The following MRPS27 variants were observed in gnomAD, a reference collection of about 807,000 sequenced individuals.
The protein encoded by MRPS27 is mitochondrial ribosomal protein S27, also known as small ribosomal subunit protein mS27.
A neutral mutation model predicts 48.9 loss-of-function variants in MRPS27; 43 were observed. The ratio of observed to expected loss-of-function variants is 0.88; its 90% CI spans 0.69 to 1.13. The LOEUF is 1.13. MRPS27 is among the 50% of genes most tolerant of loss of function. MRPS27 has a pLI of 0.00. For synonymous variants in MRPS27, 188 were observed against 171.9 expected (o/e 1.09, Z -0.73); for missense variants, 467 against 476.3 (o/e 0.98, Z 0.18).
intron 9 of MRPS27, 85 bp downstream of exon 9, chr5:72,225,972 T>C: frequency 6.7e-7 from 1 of 1,482,336 alleles, no homozygotes; most frequent in Non-Finnish European, 9.1e-7. Flanking sequence ...GTAGGGGTAG[T>C]GGAAAGACAA....
intron 4 of MRPS27, among the ~76,000 whole-genome samples, chr5:72,292,540 A>C (rs944599177): frequency 6.6e-6 from 1 of 152,158 alleles, no homozygotes; most frequent in African/African-American, 2.4e-5. Flanking sequence ...TGCTGGGATG[A>C]TAGGGTGATA....
intron 6 of MRPS27, among the ~76,000 whole-genome samples, chr5:72,233,592 G>C (rs538617128): frequency 6.6e-5 from 10 of 152,210 alleles, no homozygotes; most frequent in Admixed American, 4.6e-4. Context: ...CCACACGCAT[G>C]GATTTCTATG....
In MRPS27 at chr5:72,220,762, T is replaced by C; in HGVS notation, c.*147A>G. ...TTCTTGGCATCTCGATGGGCAGTCA[T>C]GGTGCCTTGCCATGTAGGGCACATA... On this transcript the variant is annotated 3_prime_UTR_variant, in exon 11 of 11. Coordinates refer to ENST00000261413, the MANE Select transcript of MRPS27 (RefSeq NM_015084.3). The C allele has an allele frequency of 5.0e-6, 6 of 1,198,338 alleles. No individual in the cohort carries two copies. The highest frequency in any genetic ancestry group is 7.0e-6 in the Non-Finnish European group (6 of 852,818). 74.2% of individuals were successfully genotyped at this position (1,198,338 alleles called of 1,614,324 possible).
chr5:72,255,860 A>G (rs1181336310), intron 4 of MRPS27, among the ~76,000 whole-genome samples: 1 of 152,152 alleles, frequency 6.6e-6, no homozygotes, highest in Non-Finnish European at 1.5e-5. Flanking sequence ...CTAGGGAGCA[A>G]AGTCTCTATC....
chr5:72,225,928 CT>C, intron 9 of MRPS27, 128 bp downstream of exon 9: 1 of 1,078,158 alleles, frequency 9.3e-7, no homozygotes, highest in East Asian at 2.7e-5. Context: ...ATTTTTTCGA[CT>C]TGATAAATAC....
intron 6 of MRPS27, 137 bp downstream of exon 6, chr5:72,233,982 T>TTTTG: frequency 1.1e-6 from 1 of 922,728 alleles, no homozygotes; most frequent in Non-Finnish European, 1.5e-6. Context: ...TAAAAGATAA[T>TTTTG]CATCAAAACT....
intron 4 of MRPS27, among the ~76,000 whole-genome samples, chr5:72,274,814 A>G (rs1483678103): frequency 6.6e-6 from 1 of 152,230 alleles, no homozygotes; most frequent in African/African-American, 2.4e-5. Context: ...AATGTCATTA[A>G]GTAATAGGAA....
At chr5:72,317,230 TCTTA>T (rs1474862353) in intron 1 of MRPS27, among the ~76,000 whole-genome samples, 1 of 152,182 alleles carries the variant, frequency 6.6e-6, no homozygotes, top group South Asian at 2.1e-4. Flanking sequence ...CAGTTCATTC[TCTTA>T]CTGTGAACAC....
In MRPS27 at chr5:72,274,739, G is replaced by A. The variant is rs558590347; in HGVS notation, c.281+20792C>T. Among the ~76,000 whole-genome samples, 3 of 152,248 alleles carry A rather than the reference G, an allele frequency of 2.0e-5. No homozygotes were observed. In the East Asian group the frequency reaches 5.8e-4, roughly 29 times the overall value. On this transcript the variant is annotated intron_variant, in intron 4 of 10. Coordinates refer to ENST00000261413, the MANE Select transcript of MRPS27 (RefSeq NM_015084.3). ...CAGCAGAGTAGGACTCTTTACATGA[G>A]CATCACCACAAACACACAAGTAATG...
At chr5:72,288,550 T>C (rs979448974) in intron 4 of MRPS27, among the ~76,000 whole-genome samples, 1 of 152,202 alleles carries the variant, frequency 6.6e-6, no homozygotes, top group East Asian at 1.9e-4. Context: ...AAAGCTCCCA[T>C]GATCTCTGGC....
intron 4 of MRPS27, among the ~76,000 whole-genome samples, chr5:72,264,931 G>C (rs1580081658): frequency 2.0e-5 from 3 of 152,344 alleles, no homozygotes; most frequent in South Asian, 2.1e-4. Context: ...AGTACGCTTA[G>C]AGAAGGAAGT....
At chr5:72,228,532 A>C in intron 7 of MRPS27, 164 bp from the exon 8 acceptor site, 1 of 466,004 alleles carries the variant, frequency 2.1e-6, no homozygotes, top group Non-Finnish European at 3.7e-6. Flanking sequence ...ATTAAAAGGT[A>C]CTTACGTCAA....
intron 2 of MRPS27, among the ~76,000 whole-genome samples, chr5:72,299,530 T>C (rs529535087): frequency 2.6e-5 from 4 of 152,262 alleles, no homozygotes; most frequent in East Asian, 1.9e-4. Flanking sequence ...GTTATAGGTG[T>C]ATATTAGCTA....
intron 2 of MRPS27, among the ~76,000 whole-genome samples, chr5:72,298,546 A>G (rs900755365): frequency 6.6e-6 from 1 of 152,020 alleles, no homozygotes. Flanking sequence ...CTCTACTAAA[A>G]ATACAAAAAA....
At chr5:72,270,950 GA>G (rs139345799) in intron 4 of MRPS27, among the ~76,000 whole-genome samples, 301 of 152,208 alleles carry the variant, frequency 2.0e-3, no homozygotes, top group African/African-American at 7.1e-3. Flanking sequence ...ATGTTTGATT[GA>G]AAACTCTTAG....
intron 4 of MRPS27, among the ~76,000 whole-genome samples, chr5:72,246,255 A>G (rs1748510699): frequency 6.6e-6 from 1 of 152,226 alleles, no homozygotes; most frequent in South Asian, 2.1e-4. Context: ...ATCCTGGCTA[A>G]AATAAAGTTG....
intron 2 of MRPS27, among the ~76,000 whole-genome samples, chr5:72,311,046 A>G (rs1750430668): frequency 6.6e-6 from 1 of 152,256 alleles, no homozygotes; most frequent in Non-Finnish European, 1.5e-5. Flanking sequence ...GGACAATGTC[A>G]TAAGAAACAA....
chr5:72,227,577 A>G lies in MRPS27; in HGVS notation c.694+689T>C, dbSNP rs904533340. 2.0e-5 allele frequency: 3 copies of G among 152,228 alleles called. No homozygotes were observed. In the East Asian group the frequency reaches 5.8e-4, roughly 29 times the overall value. 9.4% of individuals were successfully genotyped at this position (152,228 alleles called of 1,614,324 possible). A position where few individuals can be genotyped will look rare whatever the true frequency, so the allele number is the denominator to read the frequency against. On this transcript the variant is annotated intron_variant, in intron 8 of 10. Coordinates refer to ENST00000261413, the MANE Select transcript of MRPS27 (RefSeq NM_015084.3). ...ACTACTTAAGAGACGATGGGAGAGT[A>G]ATGAAATAACATAAATTTAATAAAC...
intron 4 of MRPS27, among the ~76,000 whole-genome samples, chr5:72,291,800 G>C (rs1314324773): frequency 6.6e-6 from 1 of 152,252 alleles, no homozygotes; most frequent in Non-Finnish European, 1.5e-5. Flanking sequence ...AATGGCCTGT[G>C]GCAGCATGGT....
Sources: allele counts gnomAD v4.1 joint callset (sites outside exome capture counted in the v4.1 genomes callset), GRCh38; gene constraint gnomAD v4.1.1; transcripts MANE v1.5; gene names NCBI Gene and HGNC (gene_info 2026-07-23, HGNC 2026-07-21).